The following MKX variants were observed in gnomAD, a reference collection of about 807,000 sequenced individuals.
MKX encodes homeobox protein Mohawk.
Under a neutral mutation model 36.0 loss-of-function variants are expected in MKX, and 13 were observed. That is an observed-to-expected ratio of 0.36 (90% CI 0.24 to 0.57). The LOEUF is 0.57. Among genes scored for constraint, MKX ranks in the 20% least tolerant of loss-of-function variants. The probability of loss-of-function intolerance (pLI) is 0.79; values close to 1 mark genes in which losing one functional copy is unlikely to be tolerated. For synonymous variants in MKX, 176 were observed against 178.3 expected (o/e 0.99, Z 0.10); for missense variants, 458 against 456.4 (o/e 1.00, Z -0.03).
chr10:27,727,038 A>G (rs1283222233), intron 5 of MKX, among the ~76,000 whole-genome samples: 1 of 152,214 alleles, frequency 6.6e-6, no homozygotes, highest in Non-Finnish European at 1.5e-5. Context: ...AGCCAGTACC[A>G]AATGAAAGAG....
Position 27,745,185 on chromosome 10 carries a change from C to G in MKX, c.-83+522G>C, listed in dbSNP as rs113265202. ...GACGACGTGTTTTTCCTAGCGAAGT[C>G]ATCACGAGGTTAGCCACCTCGGACA... On this transcript the variant is annotated intron_variant, in intron 1 of 6. Transcript: ENST00000419761. 5.0e-3 allele frequency among the ~76,000 whole-genome samples: 765 copies of G among 152,134 alleles called. 12 individuals are homozygous for G. Among genetic ancestry groups the G allele is most frequent in the African/African-American group, 0.018 (742 of 41,534 alleles).
At chr10:27,739,974 G>T (rs914963061) in intron 3 of MKX, among the ~76,000 whole-genome samples, 13 of 152,152 alleles carry the variant, frequency 8.5e-5, no homozygotes, top group Admixed American at 5.9e-4. Flanking sequence ...ATAGTTTTAT[G>T]TTAAACAGAT....
intron 5 of MKX, among the ~76,000 whole-genome samples, chr10:27,701,849 A>C (rs914742845): frequency 6.1e-5 from 9 of 147,724 alleles, no homozygotes; most frequent in Non-Finnish European, 1.0e-4. Context: ...ATATATATAC[A>C]CAAAGAAGGA....
chr10:27,721,603 C>A (rs183448401), intron 5 of MKX, among the ~76,000 whole-genome samples: 4 of 152,150 alleles, frequency 2.6e-5, no homozygotes, highest in African/African-American at 9.6e-5. Flanking sequence ...GGGAGGGTAA[C>A]AACACACACT....
At chr10:27,681,119 A>G (rs943812064) in intron 5 of MKX, among the ~76,000 whole-genome samples, 18 of 152,226 alleles carry the variant, frequency 1.2e-4, no homozygotes, top group African/African-American at 4.1e-4. Context: ...CATGCCACAC[A>G]TTGCTCATGT....
At chr10:27,735,575 T>C (rs1834744852) in intron 3 of MKX, among the ~76,000 whole-genome samples, 1 of 151,980 alleles carries the variant, frequency 6.6e-6, no homozygotes, top group African/African-American at 2.4e-5. Context: ...TTAGTGTATT[T>C]GTGGAATAAG....
chr10:27,732,585 T>C (rs890381058), intron 5 of MKX, among the ~76,000 whole-genome samples: 5 of 152,190 alleles, frequency 3.3e-5, no homozygotes, highest in Admixed American at 2.6e-4. Context: ...AACTCTTATT[T>C]ATTTTTCAGC....
intron 5 of MKX, among the ~76,000 whole-genome samples, chr10:27,705,064 C>T (rs1040225481): frequency 6.6e-6 from 1 of 151,984 alleles, no homozygotes; most frequent in Non-Finnish European, 1.5e-5. Context: ...TTATGAATGG[C>T]CCTTAAACAT....
chr10:27,708,572 T>TA (rs995087588), intron 5 of MKX, among the ~76,000 whole-genome samples: 11 of 151,592 alleles, frequency 7.3e-5, no homozygotes, highest in African/African-American at 2.7e-4. Flanking sequence ...TCCTTTAAAA[T>TA]AAAAAAATTA....
intron 5 of MKX, among the ~76,000 whole-genome samples, chr10:27,711,307 T>C (rs1589675281): frequency 1.3e-5 from 2 of 152,176 alleles, no homozygotes; most frequent in South Asian, 2.1e-4. Context: ...AACATTTCTT[T>C]CCTAAAAGCA....
intron 5 of MKX, among the ~76,000 whole-genome samples, chr10:27,714,933 AG>A (rs1836937692): frequency 6.6e-6 from 1 of 152,220 alleles, no homozygotes; most frequent in African/African-American, 2.4e-5. Context: ...ATCTACAGGC[AG>A]GGGCAGTGAC....
rs1835009625 is a variant in MKX, at chr10:27,744,709, C to CGT, written c.-83+997_-83+998insAC. On this transcript the variant is annotated intron_variant, in intron 1 of 6. Coordinates refer to ENST00000419761, the MANE Select transcript of MKX (RefSeq NM_173576.3). The surrounding 1 kb of genome is among the most constrained non-coding windows in gnomAD (Gnocchi z 5.6). ...TACTCCACTAACACACGCGCGCGCGCATACACACACACACACACACACACA... is the reference window on the plus strand; with the variant it reads ...TACTCCACTAACACACGCGCGCGCGCGTATACACACACACACACACACACACA... 7.6e-6 allele frequency: 1 copy of CGT among 131,856 alleles called. No homozygotes were observed. The highest frequency in any genetic ancestry group is 2.8e-4 in the East Asian group (1 of 3,584). 8.2% of individuals were successfully genotyped at this position (131,856 alleles called of 1,614,324 possible).
At chr10:27,694,418 C>T (rs1040446762) in intron 5 of MKX, among the ~76,000 whole-genome samples, 6 of 151,116 alleles carry the variant, frequency 4.0e-5, no homozygotes, top group Non-Finnish European at 7.4e-5. Context: ...CGGTGGCTCA[C>T]GCCTGTAATC....
intron 5 of MKX, among the ~76,000 whole-genome samples, chr10:27,718,072 A>ATATTCTGTG (rs2132608437): frequency 6.6e-6 from 1 of 152,294 alleles, no homozygotes; most frequent in African/African-American, 2.4e-5. Flanking sequence ...TCACAGAAAA[A>ATATTCTGTG]TATTCTGTGG....
chr10:27,741,319 T>C lies in MKX; in HGVS notation c.348+26A>G, dbSNP rs1347792669. 1.2e-6 allele frequency: 2 copies of C among 1,608,170 alleles called. No individual in the cohort carries two copies. The highest frequency in any genetic ancestry group is 1.7e-6 in the Non-Finnish European group (2 of 1,178,012). On this transcript the variant is annotated intron_variant, in intron 3 of 6. Transcript: ENST00000419761. The surrounding 1 kb of genome is among the most constrained non-coding windows in gnomAD (Gnocchi z 5.1). The stretch of plus-strand genomic sequence containing the variant: ...CTTCAGCCCCTCGCGGGAAAACGGA[T>C]CAGGGTGTTAATGGGTCCTGATTAC...
At chr10:27,718,995 T>C (rs900740297) in intron 5 of MKX, among the ~76,000 whole-genome samples, 2 of 152,186 alleles carry the variant, frequency 1.3e-5, no homozygotes, top group African/African-American at 4.8e-5. Flanking sequence ...AAGGAAAACA[T>C]CTTTTACCAT....
chr10:27,711,223 T>C (rs377561400), intron 5 of MKX, among the ~76,000 whole-genome samples: 1 of 152,206 alleles, frequency 6.6e-6, no homozygotes, highest in African/African-American at 2.4e-5. Flanking sequence ...GCTTCATCAC[T>C]GGGAAAAGAA....
intron 5 of MKX, among the ~76,000 whole-genome samples, chr10:27,720,974 T>C (rs1431197148): frequency 2.0e-5 from 3 of 152,018 alleles, no homozygotes; most frequent in African/African-American, 2.4e-5. Context: ...ATAGAAACAA[T>C]AAGAACAACA....
At chr10:27,721,155 C>T (rs1361806166) in intron 5 of MKX, among the ~76,000 whole-genome samples, 2 of 151,736 alleles carry the variant, frequency 1.3e-5, no homozygotes, top group African/African-American at 4.8e-5. Flanking sequence ...CATTTAAAGT[C>T]AATGAAATCC....
Sources: gnomAD v4.1 joint callset for allele counts (sites outside exome capture counted in the v4.1 genomes callset) on GRCh38, gnomAD v4.1.1 for gene constraint, Gnocchi (gnomAD v3.1) non-coding constraint, MANE v1.5 for transcripts, NCBI Gene and HGNC (gene_info 2026-07-23, HGNC 2026-07-21) for gene names.